Variants in OR11L1 observed in about 807,000 individuals in gnomAD.
OR11L1 encodes the protein olfactory receptor 11L1.
For synonymous variants in OR11L1, 164 were observed against 159.1 expected (o/e 1.03, Z -0.23); for missense variants, 397 against 392.7 (o/e 1.01, Z -0.09).
In OR11L1 at chr1:247,841,366, G is replaced by A; in HGVS notation, c.531C>T (p.Phe177=). Residue 177 remains phenylalanine, a synonymous_variant, in exon 1 of 1, where the codon TTC becomes TTT. Transcript: ENST00000355784. ...DFCGRNQINH[F]FCDLPPLMQL... ...GCATGAGTGGCGGGAGGTCGCAGAA[G>A]AAATGGTTAATCTGATTGCGCCCAC... The A allele has an allele frequency of 6.2e-7, 1 of 1,614,186 alleles. No homozygotes were observed. Among genetic ancestry groups the A allele is most frequent in the Non-Finnish European group, 8.5e-7 (1 of 1,180,020 alleles).
Position 247,841,644 on chromosome 1 carries a change from G to C in OR11L1, c.253C>G (p.Leu85Val). The C allele has an allele frequency of 6.2e-7, 1 of 1,614,220 alleles. No individual in the cohort carries two copies. Among genetic ancestry groups the C allele is most frequent in the South Asian group, 1.1e-5 (1 of 91,084 alleles). Residue 85 changes from leucine (L) to valine (V), a missense_variant, in exon 1 of 1, where the codon CTG (leucine) becomes GTG (valine). Leu to Val is a conservative substitution (Grantham distance 32, BLOSUM62 1). Coordinates refer to ENST00000355784, the MANE Select transcript of OR11L1 (RefSeq NM_001001959.1). ...STTVPLLLAN[L>V]LSWGQAISFS... ...GAGATGGCTTGGCCCCAGGACAGCAGGTTGGCTAGGAGAAGGGGCACAGTG... is the reference window on the plus strand; with the variant it reads ...GAGATGGCTTGGCCCCAGGACAGCACGTTGGCTAGGAGAAGGGGCACAGTG...
At position 247,841,249 on chromosome 1, in the gene OR11L1, C is replaced by T. The variant is rs763773895; in HGVS notation, c.648G>A (p.Gly216=). The T allele has an allele frequency of 1.2e-6, 2 of 1,613,992 alleles. No homozygotes were observed. The highest frequency in any genetic ancestry group is 1.7e-6 in the Non-Finnish European group (2 of 1,179,930). The change falls in exon 1 of 1, where the codon GGG becomes GGA. Residue 216 remains glycine, a synonymous_variant. Coordinates refer to ENST00000355784, the MANE Select transcript of OR11L1 (RefSeq NM_001001959.1). The part of the protein sequence containing the change: ...VLCICFFLTL[G]PYVFIVSSIL... ...TGGAGGACACAATGAAAACATAGGG[C>T]CCCAGTGTCAGAAAAAAACAAATGC...
rs1663270925 is a variant in OR11L1 at position 247,841,830 on chromosome 1, A to G, written c.67T>C (p.Trp23Arg). Residue 23 changes from tryptophan (W) to arginine (R), a missense_variant, in exon 1 of 1, where the codon TGG becomes CGG. Trp to Arg is a moderately radical substitution (Grantham distance 101). Coordinates refer to ENST00000355784, the MANE Select transcript of OR11L1 (RefSeq NM_001001959.1). ...QLLGFQNLLE[W>R]QALLFVIFLL... is the part of the protein sequence containing the mutation. Reference sequence around the variant, plus strand: ...AAAATGACAAAGAGCAGGGCCTGCCATTCAAGAAGGTTCTGGAATCCTAAC... The same window carrying G: ...AAAATGACAAAGAGCAGGGCCTGCCGTTCAAGAAGGTTCTGGAATCCTAAC... 1.9e-6 allele frequency: 3 copies of G among 1,614,034 alleles called. No homozygotes were observed. The highest frequency in any genetic ancestry group is 2.5e-6 in the Non-Finnish European group (3 of 1,180,010).
rs748781091 is a variant in OR11L1 at position 247,841,071 on chromosome 1, C to A, written c.826G>T (p.Val276Phe). The change falls in exon 1 of 1, where the codon GTC becomes TTC. Residue 276 changes from valine (V) to phenylalanine (F), a missense_variant. By Grantham distance (50) the Val-to-Phe change is conservative (BLOSUM62 -1). Coordinates refer to ENST00000355784, the MANE Select transcript of OR11L1 (RefSeq NM_001001959.1). The part of the protein sequence containing the change: ...LLPEINKIIS[V>F]FYTVVTPLLN... ...AGTGGTGTGACCACAGTGTAGAAGA[C>A]AGAAATGATCTTGTTGATTTCAGGC... 2.8e-5 allele frequency: 45 copies of A among 1,614,050 alleles called. No homozygotes were observed. The highest frequency in any genetic ancestry group is 3.3e-5 in the Non-Finnish European group (39 of 1,180,058).
rs536628249 is a variant in OR11L1 at position 247,841,824 on chromosome 1, C to G, written c.73G>C (p.Ala25Pro). 1 of 1,613,970 alleles carries G rather than the reference C, an allele frequency of 6.2e-7. No homozygotes were observed. The highest frequency in any genetic ancestry group is 8.5e-7 in the Non-Finnish European group (1 of 1,179,960). Residue 25 changes from alanine (A) to proline (P), a missense_variant, in exon 1 of 1, where the codon GCC (alanine) becomes CCC (proline). Coordinates refer to ENST00000355784, the MANE Select transcript of OR11L1 (RefSeq NM_001001959.1). ...AGCAGGAAAATGACAAAGAGCAGGG[C>G]CTGCCATTCAAGAAGGTTCTGGAAT... ...LGFQNLLEWQALLFVIFLLIY... is the reference protein window; with the variant it reads ...LGFQNLLEWQPLLFVIFLLIY...
rs1343305101 is a variant in OR11L1, at chr1:247,841,235, A to G, written c.662T>C (p.Ile221Thr). 4 of 1,614,202 alleles carry G rather than the reference A, an allele frequency of 2.5e-6. No homozygotes were observed. The highest frequency in any genetic ancestry group is 1.7e-5 in the Admixed American group (1 of 60,030). Residue 221 changes from isoleucine to threonine, a missense_variant, in exon 1 of 1, where the codon ATT (isoleucine) becomes ACT (threonine). By Grantham distance (89) the Ile-to-Thr change is moderately conservative. Transcript: ENST00000355784. ...AGGGATTCTCAATATGGAGGACACA[A>G]TGAAAACATAGGGCCCCAGTGTCAG... ...FFLTLGPYVF[I>T]VSSILRIPST... is the part of the protein sequence containing the mutation.
chr1:247,841,039 G>C lies in OR11L1; in HGVS notation c.858C>G (p.Asn286Lys). 6.2e-7 allele frequency: 1 copy of C among 1,614,188 alleles called. No individual in the cohort carries two copies. The change falls in exon 1 of 1, where the codon AAC becomes AAG. Residue 286 changes from asparagine (N) to lysine (K), a missense_variant. Asn to Lys is a moderately conservative substitution (Grantham distance 94). Coordinates refer to ENST00000355784, the MANE Select transcript of OR11L1 (RefSeq NM_001001959.1). ...VFYTVVTPLL[N>K]PVIYSLRNKD... ...TGTTCCTCAAGCTGTAGATAACTGG[G>C]TTCAGCAGTGGTGTGACCACAGTGT...
Position 247,841,449 on chromosome 1 carries a change from A to G in OR11L1, c.448T>C (p.Cys150Arg), listed in dbSNP as rs779074528. The G allele has an allele frequency of 1.2e-6, 2 of 1,614,182 alleles. No homozygotes were observed. The highest frequency in any genetic ancestry group is 2.2e-5 in the South Asian group (2 of 91,086). The stretch of plus-strand genomic sequence containing the variant: ...AGAAAGCCTGTGCTGACCCCTGTGC[A>G]CCAGGAGACCACCACCAACCTGGCA... ...LCARLVVVSW[C>R]TGVSTGFLPS... is the part of the protein sequence containing the mutation. Residue 150 changes from cysteine (C) to arginine (R), a missense_variant, in exon 1 of 1, where the codon TGC becomes CGC. Transcript: ENST00000355784.
At position 247,841,472 on chromosome 1, in the gene OR11L1, G is replaced by C; in HGVS notation, c.425C>G (p.Ala142Gly). Residue 142 changes from alanine (A) to glycine (G), a missense_variant, in exon 1 of 1, where the codon GCC (alanine) becomes GGC (glycine). Ala to Gly is a moderately conservative substitution (Grantham distance 60). Transcript: ENST00000355784. ...GCACCAGGAGACCACCACCAACCTG[G>C]CACAGAGCCCACGATGCATGAGGAA... is the stretch of plus-strand genomic sequence containing the variant. ...YPFLMHRGLC[A>G]RLVVVSWCTG... 1 of 1,614,110 alleles carries C rather than the reference G, an allele frequency of 6.2e-7. No individual in the cohort carries two copies. The highest frequency in any genetic ancestry group is 8.5e-7 in the Non-Finnish European group (1 of 1,179,978).
chr1:247,841,851 C>T lies in OR11L1; in HGVS notation c.46G>A (p.Gly16Arg), dbSNP rs1268443113. 1.2e-6 allele frequency: 2 copies of T among 1,613,916 alleles called. No homozygotes were observed. Among genetic ancestry groups the T allele is most frequent in the Admixed American group, 3.3e-5 (2 of 60,014 alleles). ...TSTVTNFQLLGFQNLLEWQAL... is the reference protein window; with the variant it reads ...TSTVTNFQLLRFQNLLEWQAL... Reference sequence around the variant, plus strand: ...TGCCATTCAAGAAGGTTCTGGAATCCTAACAGCTGAAAGTTAGTCACAGTG... The same window carrying T: ...TGCCATTCAAGAAGGTTCTGGAATCTTAACAGCTGAAAGTTAGTCACAGTG... The change falls in exon 1 of 1, where the codon GGA (glycine) becomes AGA (arginine). Residue 16 changes from glycine to arginine, a missense_variant. Physicochemically the swap from Gly to Arg is moderately radical, Grantham distance 125. Transcript: ENST00000355784.
rs770557105 is a variant in OR11L1 at position 247,841,002 on chromosome 1, C to A, written c.895G>T (p.Glu299Ter). Residue 299 changes from glutamate (E) to a stop codon, truncating the protein, a stop_gained, in exon 1 of 1, where the codon GAA becomes TAA. Coordinates refer to ENST00000355784, the MANE Select transcript of OR11L1 (RefSeq NM_001001959.1). LOFTEE classifies it low-confidence loss of function (END_TRUNC). ...CTTCTCATGACCTTTCTAACAGCTT[C>A]TTTGAAGTCTTTGTTCCTCAAGCTG... ...IYSLRNKDFKEAVRKVMRRKC... is the reference protein window; with the variant it reads ...IYSLRNKDFK The A allele has an allele frequency of 1.9e-6, 3 of 1,614,140 alleles. No homozygotes were observed. The highest frequency in any genetic ancestry group is 1.7e-6 in the Non-Finnish European group (2 of 1,179,976).
chr1:247,841,281 C>G lies in OR11L1; in HGVS notation c.616G>C (p.Val206Leu), dbSNP rs779896197. ...GTCAGAAAAAAACAAATGCACAGCACGGCAATTGACAGGATGAAGATGGTC... is the reference window on the plus strand; with the variant it reads ...GTCAGAAAAAAACAAATGCACAGCAGGGCAATTGACAGGATGAAGATGGTC... ...EVTIFILSIA[V>L]LCICFFLTLG... is the part of the protein sequence containing the mutation. The change falls in exon 1 of 1, where the codon GTG becomes CTG. Residue 206 changes from valine to leucine, a missense_variant. Coordinates refer to ENST00000355784, the MANE Select transcript of OR11L1 (RefSeq NM_001001959.1). 6.2e-7 allele frequency: 1 copy of G among 1,614,158 alleles called. No individual in the cohort carries two copies. Among genetic ancestry groups the G allele is most frequent in the South Asian group, 1.1e-5 (1 of 91,088 alleles).
At position 247,841,253 on chromosome 1, in the gene OR11L1, A is replaced by C. The variant is rs932505080; in HGVS notation, c.644T>G (p.Leu215Arg). Reference sequence around the variant, plus strand: ...GGACACAATGAAAACATAGGGCCCCAGTGTCAGAAAAAAACAAATGCACAG... The same window carrying C: ...GGACACAATGAAAACATAGGGCCCCCGTGTCAGAAAAAAACAAATGCACAG... ...AVLCICFFLT[L>R]GPYVFIVSSI... Residue 215 changes from leucine (L) to arginine (R), a missense_variant, in exon 1 of 1, where the codon CTG (leucine) becomes CGG (arginine). Transcript: ENST00000355784. 5 of 1,614,054 alleles carry C rather than the reference A, an allele frequency of 3.1e-6. No homozygotes were observed. Among genetic ancestry groups the C allele is most frequent in the Admixed American group, 3.3e-5 (2 of 60,012 alleles).
rs1663256662 is a variant in OR11L1, at chr1:247,841,425, G to A, written c.472C>T (p.Leu158=). Residue 158 remains leucine, a synonymous_variant, in exon 1 of 1, where the codon CTG becomes TTG. Coordinates refer to ENST00000355784, the MANE Select transcript of OR11L1 (RefSeq NM_001001959.1). ...SWCTGVSTGF[L]PSLMISRLDF... ...AACCTGGAAATCATCAGGGAAGGCA[G>A]AAAGCCTGTGCTGACCCCTGTGCAC... 1 of 1,614,226 alleles carries A rather than the reference G, an allele frequency of 6.2e-7. No homozygotes were observed. Among genetic ancestry groups the A allele is most frequent in the Non-Finnish European group, 8.5e-7 (1 of 1,180,046 alleles).
chr1:247,841,225 G>A lies in OR11L1; in HGVS notation c.672C>T (p.Ser224=). ...TLGPYVFIVS[S]ILRIPSTSGR... is the part of the protein sequence containing the mutation. ...CAGAGGTGGAAGGGATTCTCAATAT[G>A]GAGGACACAATGAAAACATAGGGCC... The change falls in exon 1 of 1, where the codon TCC becomes TCT. Residue 224 remains serine, a synonymous_variant. Coordinates refer to ENST00000355784, the MANE Select transcript of OR11L1 (RefSeq NM_001001959.1). 6.2e-7 allele frequency: 1 copy of A among 1,614,132 alleles called. No individual in the cohort carries two copies. The highest frequency in any genetic ancestry group is 8.5e-7 in the Non-Finnish European group (1 of 1,180,004).
chr1:247,841,788 G>A lies in OR11L1; in HGVS notation c.109C>T (p.Leu37=). ...LFVIFLLIYC[L]TIIGNVVIIT... is the part of the protein sequence containing the mutation. The stretch of plus-strand genomic sequence containing the variant: ...ATGACAACATTCCCTATAATGGTCA[G>A]GCAGTAGATGAGCAGGAAAATGACA... Residue 37 remains leucine, a synonymous_variant, in exon 1 of 1, where the codon CTG becomes TTG. Transcript: ENST00000355784. 1 of 1,614,168 alleles carries A rather than the reference G, an allele frequency of 6.2e-7. No homozygotes were observed. The highest frequency in any genetic ancestry group is 8.5e-7 in the Non-Finnish European group (1 of 1,180,026).
rs6667389 is a variant in OR11L1 at position 247,841,312 on chromosome 1, G to A, written c.585C>T (p.Thr195=). The change falls in exon 1 of 1, where the codon ACC becomes ACT. Residue 195 remains threonine, a synonymous_variant. Coordinates refer to ENST00000355784, the MANE Select transcript of OR11L1 (RefSeq NM_001001959.1). ...MQLSCSRVYI[T]EVTIFILSIA... ...TTGACAGGATGAAGATGGTCACCTC[G>A]GTGATATAAACTCTGGAACAGGAGA... The A allele has an allele frequency of 0.88, 1,422,677 of 1,613,852 alleles. 629,909 individuals are homozygous for A. The highest frequency in any genetic ancestry group is 0.99 in the East Asian group (44,636 of 44,882).
rs754848682 is a variant in OR11L1 at position 247,841,819 on chromosome 1, C to T, written c.78G>A (p.Leu26=). 11 of 1,613,942 alleles carry T rather than the reference C, an allele frequency of 6.8e-6. No individual in the cohort carries two copies. The South Asian group carries it at 1.2e-4, about 18-fold the overall frequency. ...AGATGAGCAGGAAAATGACAAAGAG[C>T]AGGGCCTGCCATTCAAGAAGGTTCT... ...GFQNLLEWQA[L]LFVIFLLIYC... is the part of the protein sequence containing the mutation. Residue 26 remains leucine (L), a synonymous_variant, in exon 1 of 1, where the codon CTG becomes CTA. Transcript: ENST00000355784.
chr1:247,841,866 T>TTTC lies in OR11L1; in HGVS notation c.30_31insGAA (p.Thr10_Asn11insGlu). ...TTCTGGAATCCTAACAGCTGAAAGT[T>TTTC]AGTCACAGTGGAGGTATTTTGGGGC... On this transcript the variant is annotated inframe_insertion, in exon 1 of 1. Transcript: ENST00000355784. 1 of 1,613,678 alleles carries TTTC rather than the reference T, an allele frequency of 6.2e-7. No individual in the cohort carries two copies. Among genetic ancestry groups the TTTC allele is most frequent in the Non-Finnish European group, 8.5e-7 (1 of 1,179,908 alleles).
Sources: gnomAD v4.1 joint callset for allele counts on GRCh38, gnomAD v4.1.1 for gene constraint, MANE v1.5 for transcripts, NCBI Gene and HGNC (gene_info 2026-07-23, HGNC 2026-07-21) for gene names.